Variants in MAGI1 observed in about 807,000 individuals in gnomAD.
MAGI1 encodes membrane-associated guanylate kinase, WW and PDZ domain-containing protein 1.
MAGI1 carries 58 observed loss-of-function variants against 139.9 expected under a neutral mutation model. That is an observed-to-expected ratio of 0.41 (90% CI 0.34 to 0.52). MAGI1 has a LOEUF of 0.52. Ranked by LOEUF, MAGI1 falls within the 20% of genes least tolerant of loss-of-function variation. The probability of loss-of-function intolerance (pLI) is 0.12; values close to 1 mark genes in which losing one functional copy is unlikely to be tolerated. For missense variants in MAGI1, 1,874 were observed against 1,901.6 expected, an observed-to-expected ratio of 0.99 and a Z score of 0.27; for synonymous variants, 812 against 737.9, an observed-to-expected ratio of 1.10 and a Z score of -1.63.
At chr3:65,874,544 G>C (rs1386811669) in intron 1 of MAGI1, 1 of 152,090 alleles carries the variant, frequency 6.6e-6, no homozygotes, top group African/African-American at 2.4e-5. Flanking sequence ...TAGCCATCAG[G>C]GATATACAAA....
intron 18 of MAGI1, among the ~76,000 whole-genome samples, chr3:65,365,655 T>G (rs1941348467): frequency 6.6e-6 from 1 of 152,186 alleles, no homozygotes; most frequent in African/African-American, 2.4e-5. Context: ...TGACTGAAAC[T>G]CGTCATACAT....
chr3:65,778,179 C>T (rs1227330294), intron 1 of MAGI1, among the ~76,000 whole-genome samples: 3 of 152,052 alleles, frequency 2.0e-5, no homozygotes, highest in Non-Finnish European at 2.9e-5. Context: ...CCTGTAATCC[C>T]AGCACTTTGG....
intron 2 of MAGI1, among the ~76,000 whole-genome samples, chr3:65,533,051 T>A (rs1345120988): frequency 6.6e-6 from 1 of 152,122 alleles, no homozygotes; most frequent in South Asian, 2.1e-4. Flanking sequence ...AAAGATAAAC[T>A]TTTGGGGGGC....
At chr3:65,666,174 T>C (rs1324923695) in intron 1 of MAGI1, among the ~76,000 whole-genome samples, 2 of 152,222 alleles carry the variant, frequency 1.3e-5, no homozygotes, top group African/African-American at 2.4e-5. Context: ...ATCAACTCCC[T>C]GTTACTCTCG....
chr3:65,723,320 C>T (rs1362129571), intron 1 of MAGI1, among the ~76,000 whole-genome samples: 1 of 152,134 alleles, frequency 6.6e-6, no homozygotes, highest in Non-Finnish European at 1.5e-5. Flanking sequence ...AAGAAAAGAG[C>T]TACATCACCA....
At chr3:65,379,585 C>A in intron 16 of MAGI1, 31 bp from the exon 17 acceptor site, 1 of 1,581,290 alleles carries the variant, frequency 6.3e-7, no homozygotes, top group South Asian at 1.1e-5. Flanking sequence ...CGTACATCAC[C>A]GTGTCCTGCA....
At chr3:65,620,871 ATC>A (rs1443102792) in intron 2 of MAGI1, among the ~76,000 whole-genome samples, 1 of 152,110 alleles carries the variant, frequency 6.6e-6, no homozygotes, top group African/African-American at 2.4e-5. Flanking sequence ...CTAGAATCTG[ATC>A]TGTGGAGGTT....
At chr3:66,017,809 AG>A (rs945840788) in intron 1 of MAGI1, among the ~76,000 whole-genome samples, 1 of 152,162 alleles carries the variant, frequency 6.6e-6, no homozygotes, top group African/African-American at 2.4e-5. Context: ...GTGACAGGAC[AG>A]ATTGGGCAGG....
At chr3:65,576,712 T>C (rs2081195790) in intron 2 of MAGI1, among the ~76,000 whole-genome samples, 1 of 152,182 alleles carries the variant, frequency 6.6e-6, no homozygotes, top group Non-Finnish European at 1.5e-5. Flanking sequence ...AAGCCTCCTA[T>C]TGACTAAGCT....
At chr3:65,941,409 G>C (rs560949497) in intron 1 of MAGI1, among the ~76,000 whole-genome samples, 2 of 151,974 alleles carry the variant, frequency 1.3e-5, no homozygotes, top group South Asian at 4.2e-4. Context: ...AATACAAAAC[G>C]GCATCAGATT....
chr3:65,684,227 C>T (rs189491160), intron 1 of MAGI1, among the ~76,000 whole-genome samples: 4 of 146,976 alleles, frequency 2.7e-5, no homozygotes, highest in Admixed American at 2.7e-4. Context: ...TGCAACTGTA[C>T]TCTTGGACAT....
At chr3:65,966,961 A>G (rs1056908564) in intron 1 of MAGI1, among the ~76,000 whole-genome samples, 3 of 152,212 alleles carry the variant, frequency 2.0e-5, no homozygotes, top group Non-Finnish European at 4.4e-5. Flanking sequence ...GTATTAATAC[A>G]TTTAATCTCA....
At chr3:65,919,564 A>C (rs938556072) in intron 1 of MAGI1, among the ~76,000 whole-genome samples, 17 of 151,704 alleles carry the variant, frequency 1.1e-4, no homozygotes, top group Admixed American at 2.6e-4. Flanking sequence ...CCTGTCTCAA[A>C]AAAAAACAAA....
chr3:65,661,561 G>C (rs1467552478), intron 1 of MAGI1, among the ~76,000 whole-genome samples: 1 of 152,074 alleles, frequency 6.6e-6, no homozygotes, highest in South Asian at 2.1e-4. Flanking sequence ...TTCTAAACCA[G>C]ACACCTTGAG....
At chr3:65,681,669 T>C (rs572062624) in intron 1 of MAGI1, among the ~76,000 whole-genome samples, 46 of 152,328 alleles carry the variant, frequency 3.0e-4, no homozygotes, top group African/African-American at 1.0e-3. Flanking sequence ...AGTGCAAAGC[T>C]ATCTTGCTTT....
chr3:65,371,614 G>T (rs957598708), intron 18 of MAGI1, among the ~76,000 whole-genome samples: 2 of 152,140 alleles, frequency 1.3e-5, no homozygotes, highest in African/African-American at 2.4e-5. Flanking sequence ...TTTCTCTGCA[G>T]CATGTTGCTG....
At chr3:65,515,202 T>A (rs1041441691) in intron 2 of MAGI1, among the ~76,000 whole-genome samples, 8 of 146,900 alleles carry the variant, frequency 5.4e-5, no homozygotes, top group Non-Finnish European at 1.2e-4. Context: ...GAGATATACC[T>A]AATGCTAGAT....
intron 1 of MAGI1, among the ~76,000 whole-genome samples, chr3:65,629,561 C>CAAA (rs57784561): frequency 0.011 from 1,618 of 142,998 alleles, 12 homozygotes; most frequent in South Asian, 0.037. Context: ...GCTATTACAG[C>CAAA]AAAAAAAAAA....
intron 1 of MAGI1, among the ~76,000 whole-genome samples, chr3:65,740,992 T>A (rs1407788288): frequency 1.3e-5 from 2 of 152,150 alleles, no homozygotes; most frequent in African/African-American, 4.8e-5. Flanking sequence ...GAAATATGAT[T>A]CAATGACAGC....
Sources: allele counts gnomAD v4.1 joint callset (sites outside exome capture counted in the v4.1 genomes callset), GRCh38; gene constraint gnomAD v4.1.1; transcripts MANE v1.5; gene names NCBI Gene and HGNC (gene_info 2026-07-23, HGNC 2026-07-21).